BLTP1: variants seen among roughly 807,000 people sequenced by gnomAD.
BLTP1 encodes fragile site-associated protein.
the BLTP1 span, among the ~76,000 whole-genome samples, chr4:122,223,747 A>C: frequency 6.6e-6 from 1 of 152,150 alleles, no homozygotes; most frequent in Non-Finnish European, 1.5e-5. Flanking sequence ...AGGTGATACT[A>C]TTTGGACCAG....
At chr4:122,351,569 T>G in the BLTP1 span, among the ~76,000 whole-genome samples, 2 of 152,214 alleles carry the variant, frequency 1.3e-5, no homozygotes, top group Non-Finnish European at 2.9e-5. Flanking sequence ...TTCCTTTGCC[T>G]TCTTTTAATT....
chr4:122,277,084 A>AT, the BLTP1 span: 1 of 984,926 alleles, frequency 1.0e-6, no homozygotes, highest in Non-Finnish European at 1.2e-6. Flanking sequence ...TCACATTTAT[A>AT]TTAGAAGTTA....
the BLTP1 span, chr4:122,183,641 C>T: frequency 1.8e-5 from 7 of 386,988 alleles, no homozygotes; most frequent in African/African-American, 1.3e-4. Context: ...CTACAAGTTA[C>T]AATCACAGGA....
At chr4:122,160,244 A>G in the BLTP1 span, among the ~76,000 whole-genome samples, 1 of 152,224 alleles carries the variant, frequency 6.6e-6, no homozygotes, top group Non-Finnish European at 1.5e-5. Context: ...ATCAATTTAC[A>G]CTAATACCAC....
chr4:122,344,115 G>A, the BLTP1 span: 1 of 479,072 alleles, frequency 2.1e-6, no homozygotes, highest in Non-Finnish European at 2.7e-6. Flanking sequence ...TTAAATAAAT[G>A]ATGAAAACAT....
chr4:122,247,605 C>A, the BLTP1 span: 1 of 1,185,670 alleles, frequency 8.4e-7, no homozygotes, highest in Non-Finnish European at 1.1e-6. Flanking sequence ...ACTTCTATTT[C>A]CCATGTTTCT....
At chr4:122,355,755 A>T in the BLTP1 span, 1 of 1,544,400 alleles carries the variant, frequency 6.5e-7, no homozygotes, top group Non-Finnish European at 8.8e-7. Flanking sequence ...GTCAATGCCT[A>T]TTGTTTTAAT....
At chr4:122,245,246 GA>G in the BLTP1 span, 6 of 997,486 alleles carry the variant, frequency 6.0e-6, no homozygotes, top group Non-Finnish European at 9.0e-6. Flanking sequence ...AGAATATTTG[GA>G]CATGTTCTAA....
At chr4:122,175,295 C>G in the BLTP1 span, 1 of 981,142 alleles carries the variant, frequency 1.0e-6, no homozygotes, top group Non-Finnish European at 1.2e-6. Flanking sequence ...ATTTCCCAAT[C>G]AAAAGTGAAA....
chr4:122,346,069 A>G, the BLTP1 span: 3 of 959,766 alleles, frequency 3.1e-6, no homozygotes, highest in Non-Finnish European at 3.7e-6. Flanking sequence ...CAAAAACAGA[A>G]ATTTTAGCTG....
chr4:122,294,618 C>T, the BLTP1 span, among the ~76,000 whole-genome samples: 4 of 152,058 alleles, frequency 2.6e-5, no homozygotes, highest in Non-Finnish European at 5.9e-5. Context: ...GGTCAGCAAA[C>T]TCAAAGATTG....
At chr4:122,167,333 T>G in the BLTP1 span, among the ~76,000 whole-genome samples, 5 of 152,316 alleles carry the variant, frequency 3.3e-5, no homozygotes, top group Non-Finnish European at 7.3e-5. Flanking sequence ...ATATGTTTAT[T>G]CATCTCCCAG....
At chr4:122,208,576 T>A in the BLTP1 span, 42 of 968,028 alleles carry the variant, frequency 4.3e-5, no homozygotes, top group African/African-American at 6.9e-4. Flanking sequence ...TTATAAAAGT[T>A]TTTTTAAAAA....
chr4:122,211,505 C>A, the BLTP1 span, among the ~76,000 whole-genome samples: 150,156 of 152,310 alleles, frequency 0.99, 74,057 homozygotes, highest in Middle Eastern at 1. Flanking sequence ...AAGTGAATCC[C>A]TTAAAAATAA....
At chr4:122,301,421 T>C in the BLTP1 span, 37 of 1,413,616 alleles carry the variant, frequency 2.6e-5, no homozygotes, top group Non-Finnish European at 3.4e-5. Flanking sequence ...AATGATACTT[T>C]TATAAAAATT....
the BLTP1 span, chr4:122,201,145 T>C: frequency 1.3e-6 from 2 of 1,576,158 alleles, no homozygotes; most frequent in African/African-American, 2.7e-5. Flanking sequence ...CTAATAGATA[T>C]AAATACAGTG....
At chr4:122,257,578 T>A in the BLTP1 span, 1 of 1,293,254 alleles carries the variant, frequency 7.7e-7, no homozygotes, top group South Asian at 1.4e-5. Context: ...TTACTGTATG[T>A]TTTTTGCTTA....
At chr4:122,229,788 CT>C in the BLTP1 span, 2 of 1,305,788 alleles carry the variant, frequency 1.5e-6, no homozygotes, top group Non-Finnish European at 2.0e-6. Context: ...CCATTTTTTC[CT>C]TTTTTATTTC....
the BLTP1 span, among the ~76,000 whole-genome samples, chr4:122,274,969 G>A: frequency 6.6e-6 from 1 of 152,018 alleles, no homozygotes; most frequent in Admixed American, 6.6e-5. Flanking sequence ...AATGAGTTTT[G>A]GCTAAAATCA....
Sources: gnomAD v4.1 joint callset for allele counts (sites outside exome capture counted in the v4.1 genomes callset) on GRCh38, gnomAD v4.1.1 for gene constraint, MANE v1.5 for transcripts, NCBI Gene and HGNC (gene_info 2026-07-23, HGNC 2026-07-21) for gene names.